GRM3: variants seen among roughly 807,000 people sequenced by gnomAD.
GRM3 encodes the protein metabotropic glutamate receptor 3.
GRM3 carries 26 observed loss-of-function variants against 70.5 expected under a neutral mutation model. That is an observed-to-expected ratio of 0.37 (90% confidence interval 0.27 to 0.51). The LOEUF (loss-of-function observed/expected upper bound fraction) is 0.51, where lower values mean the gene tolerates loss of function less well. GRM3 is among the 20% of genes least tolerant of loss of function. The pLI is 0.93. For missense variants in GRM3, 859 were observed against 1,123.8 expected (o/e 0.76, Z 3.37); for synonymous variants, 443 against 434.9 (o/e 1.02, Z -0.23).
rs116920725 is a variant in GRM3, at chr7:86,715,785, G to T, written c.-140-49221G>T. Among the ~76,000 whole-genome samples the T allele has an allele frequency of 3.1e-3, 464 of 152,032 alleles. 2 individuals are homozygous for T. Among genetic ancestry groups the T allele is most frequent in the Middle Eastern group, 6.8e-3 (2 of 292 alleles). ...TCCAAAATGCTGGCTTACTCTAAAA[G>T]GTCAATATGCACAAGTTTAGAATAC... On this transcript the variant is annotated intron_variant, in intron 1 of 5. Coordinates refer to ENST00000361669, the MANE Select transcript of GRM3 (RefSeq NM_000840.3).
At chr7:86,799,750 C>T (rs1477038891) in intron 3 of GRM3, among the ~76,000 whole-genome samples, 2 of 152,066 alleles carry the variant, frequency 1.3e-5, no homozygotes, top group African/African-American at 2.4e-5. Context: ...AGGATGGTCT[C>T]GATCTCCTAA....
At chr7:86,654,550 C>A (rs992491526) in intron 1 of GRM3, among the ~76,000 whole-genome samples, 1 of 152,180 alleles carries the variant, frequency 6.6e-6, no homozygotes, top group African/African-American at 2.4e-5. Flanking sequence ...CCCCAACTAG[C>A]AACTTATTTT....
At chr7:86,647,410 T>C (rs1793500562) in intron 1 of GRM3, among the ~76,000 whole-genome samples, 1 of 152,104 alleles carries the variant, frequency 6.6e-6, no homozygotes, top group South Asian at 2.1e-4. Flanking sequence ...CTAAACATCA[T>C]CCCAATATTC....
chr7:86,847,424 T>A (rs1427015049), intron 4 of GRM3, among the ~76,000 whole-genome samples: 3 of 152,174 alleles, frequency 2.0e-5, no homozygotes, highest in East Asian at 1.9e-4. Context: ...ATTACATTAT[T>A]ACGATATGCC....
chr7:86,742,681 G>T (rs1562845269), intron 1 of GRM3, among the ~76,000 whole-genome samples: 1 of 151,886 alleles, frequency 6.6e-6, no homozygotes, highest in South Asian at 2.1e-4. Context: ...GCCATTGAAT[G>T]GTTTCAAGTA....
At chr7:86,859,444 A>G (rs1183335102) in intron 5 of GRM3, among the ~76,000 whole-genome samples, 1 of 152,208 alleles carries the variant, frequency 6.6e-6, no homozygotes, top group African/African-American at 2.4e-5. Context: ...TAAAATTAAG[A>G]TGATGAGTAA....
chr7:86,759,776 A>G (rs1309597285), intron 1 of GRM3, among the ~76,000 whole-genome samples: 1 of 152,146 alleles, frequency 6.6e-6, no homozygotes, highest in Non-Finnish European at 1.5e-5. Context: ...GATCTACTAA[A>G]AATGATTGGG....
intron 1 of GRM3, among the ~76,000 whole-genome samples, chr7:86,707,362 G>A (rs1050508617): frequency 9.2e-5 from 14 of 152,072 alleles, no homozygotes; most frequent in African/African-American, 3.4e-4. Flanking sequence ...ACAAAATGAG[G>A]CGAATAATGA....
chr7:86,858,407 G>A (rs989242395), intron 5 of GRM3, among the ~76,000 whole-genome samples: 4 of 152,172 alleles, frequency 2.6e-5, no homozygotes, highest in African/African-American at 9.6e-5. Flanking sequence ...GTCTTTGGGA[G>A]GGAATTAAGA....
chr7:86,700,801 A>C (rs1407971674), intron 1 of GRM3, among the ~76,000 whole-genome samples: 1 of 151,886 alleles, frequency 6.6e-6, no homozygotes, highest in Non-Finnish European at 1.5e-5. Context: ...TTCTGCTGTC[A>C]TGTGTTCTAC....
chr7:86,644,915 A>T, intron 1 of GRM3, 43 bp downstream of exon 1: 1 of 1,166,804 alleles, frequency 8.6e-7, no homozygotes, highest in Non-Finnish European at 1.1e-6. Context: ...GAGGGCGCCC[A>T]GCCAGGGCGC....
At chr7:86,684,989 T>C (rs1794529879) in intron 1 of GRM3, among the ~76,000 whole-genome samples, 1 of 152,216 alleles carries the variant, frequency 6.6e-6, no homozygotes, top group Admixed American at 6.5e-5. Context: ...AAGCATGCTA[T>C]CCATGTTATC....
Position 86,645,174 on chromosome 7 carries a change from G to C in GRM3, c.-141+302G>C, listed in dbSNP as rs114093855. On this transcript the variant is annotated intron_variant, in intron 1 of 5. Coordinates refer to ENST00000361669, the MANE Select transcript of GRM3 (RefSeq NM_000840.3). Reference sequence around the variant, plus strand: ...GCACTCGCAGACCCCAGAGAGACCAGTCTCATCAGCCAACCACCTCCATCT... The same window carrying C: ...GCACTCGCAGACCCCAGAGAGACCACTCTCATCAGCCAACCACCTCCATCT... 3.9e-3 allele frequency among the ~76,000 whole-genome samples: 594 copies of C among 152,296 alleles called. 3 individuals carry two copies. The highest frequency in any genetic ancestry group is 0.013 in the African/African-American group (553 of 41,568).
At chr7:86,847,368 T>C (rs979388535) in intron 4 of GRM3, among the ~76,000 whole-genome samples, 5 of 152,188 alleles carry the variant, frequency 3.3e-5, no homozygotes, top group African/African-American at 1.2e-4. Context: ...GGGTGGCATT[T>C]GGTGCCACTT....
intron 5 of GRM3, among the ~76,000 whole-genome samples, chr7:86,862,008 G>A (rs1798970349): frequency 6.6e-6 from 1 of 152,300 alleles, no homozygotes; most frequent in South Asian, 2.1e-4. Flanking sequence ...TGAAACTGAT[G>A]ATAGGTTTGA....
At chr7:86,796,759 G>A (rs1797559754) in intron 3 of GRM3, among the ~76,000 whole-genome samples, 1 of 152,000 alleles carries the variant, frequency 6.6e-6, no homozygotes, top group Admixed American at 6.6e-5. Context: ...GTAGTTCTCT[G>A]ATACGGTTTG....
intron 3 of GRM3, among the ~76,000 whole-genome samples, chr7:86,834,774 G>T (rs1404605883): frequency 6.6e-6 from 1 of 151,696 alleles, no homozygotes; most frequent in Non-Finnish European, 1.5e-5. Flanking sequence ...ACTGAACATT[G>T]GTAGAGGTTG....
At chr7:86,828,570 A>G (rs1798290847) in intron 3 of GRM3, among the ~76,000 whole-genome samples, 1 of 152,246 alleles carries the variant, frequency 6.6e-6, no homozygotes. Flanking sequence ...ATTATGTATT[A>G]AAAACAATGT....
intron 3 of GRM3, among the ~76,000 whole-genome samples, chr7:86,818,240 A>C (rs965364544): frequency 3.9e-5 from 6 of 152,076 alleles, no homozygotes; most frequent in South Asian, 2.1e-4. Context: ...TATATTGATG[A>C]TAAATAAAAC....
Sources: allele counts gnomAD v4.1 joint callset (sites outside exome capture counted in the v4.1 genomes callset), GRCh38; gene constraint gnomAD v4.1.1; transcripts MANE v1.5; gene names NCBI Gene and HGNC (gene_info 2026-07-23, HGNC 2026-07-21).